Variants in FANCL observed in about 807,000 individuals in gnomAD.
FANCL encodes the protein FA complementation group L, also known as E3 ubiquitin-protein ligase FANCL.
A neutral mutation model predicts 59.4 loss-of-function variants in FANCL; 69 were observed. The observed-to-expected ratio is 1.16, with a 90% CI of 0.96 to 1.42. FANCL has a LOEUF of 1.42. Ranked by LOEUF, FANCL falls within the 40% of genes most tolerant of loss-of-function variation. The probability of loss-of-function intolerance (pLI) is 0.00; values close to 1 mark genes in which losing one functional copy is unlikely to be tolerated. For synonymous variants in FANCL, 180 were observed against 147.1 expected, an observed-to-expected ratio of 1.22 and a Z score of -1.62; for missense variants, 519 against 447.2, an observed-to-expected ratio of 1.16 and a Z score of -1.45.
intron 7 of FANCL, among the ~76,000 whole-genome samples, chr2:58,197,261 G>A (rs1689527641): frequency 6.6e-6 from 1 of 151,080 alleles, no homozygotes; most frequent in Admixed American, 6.6e-5. Flanking sequence ...AATCCTATTA[G>A]GCTTTTTATT....
chr2:58,237,289 T>C (rs1270504765), intron 1 of FANCL, among the ~76,000 whole-genome samples: 2 of 152,072 alleles, frequency 1.3e-5, no homozygotes, highest in Non-Finnish European at 2.9e-5. Flanking sequence ...GTGACCAAAA[T>C]GAAACTAAAT....
chr2:58,190,416 T>C (rs1688812591), intron 7 of FANCL, among the ~76,000 whole-genome samples: 2 of 145,976 alleles, frequency 1.4e-5, no homozygotes, highest in South Asian at 4.3e-4. Flanking sequence ...TGAAAATAAG[T>C]AGGTACTTTC....
At chr2:58,207,346 C>T (rs1272062465) in intron 5 of FANCL, among the ~76,000 whole-genome samples, 1 of 152,164 alleles carries the variant, frequency 6.6e-6, no homozygotes, top group Non-Finnish European at 1.5e-5. Flanking sequence ...CCACCAGCCA[C>T]GTGTCTATGA....
intron 5 of FANCL, among the ~76,000 whole-genome samples, chr2:58,205,575 C>T (rs888181333): frequency 2.0e-5 from 3 of 152,040 alleles, no homozygotes; most frequent in African/African-American, 4.8e-5. Context: ...ATATTCTCTA[C>T]TTCCAGAAAA....
In FANCL at chr2:58,159,395, T is replaced by A. The variant is rs1215440566; in HGVS notation, c.*370A>T. The stretch of plus-strand genomic sequence containing the variant: ...AAATATCAAGAGTCTCAAGAACCTT[T>A]GAATGAAGTAAACAGTTTCCCACAA... On this transcript the variant is annotated 3_prime_UTR_variant, in exon 14 of 14. Transcript: ENST00000233741. 1.1e-5 allele frequency: 18 copies of A among 1,613,040 alleles called. No individual in the cohort carries two copies. Among genetic ancestry groups the A allele is most frequent in the Non-Finnish European group, 1.5e-5 (18 of 1,179,632 alleles).
At chr2:58,220,873 T>C (rs192906462) in intron 5 of FANCL, among the ~76,000 whole-genome samples, 11 of 152,256 alleles carry the variant, frequency 7.2e-5, no homozygotes, top group Admixed American at 3.9e-4. Flanking sequence ...GCAATCTAAA[T>C]GGAAATAATA....
intron 12 of FANCL, among the ~76,000 whole-genome samples, 160 bp from the exon 13 acceptor site, chr2:58,160,339 T>G (rs188944918): frequency 6.6e-6 from 1 of 152,136 alleles, no homozygotes; most frequent in East Asian, 1.9e-4. Flanking sequence ...CCTGAGCCAA[T>G]AGCAGACTAT....
chr2:58,196,937 T>G (rs1433846288), intron 7 of FANCL, among the ~76,000 whole-genome samples: 1 of 151,812 alleles, frequency 6.6e-6, no homozygotes, highest in Non-Finnish European at 1.5e-5. Flanking sequence ...ATAGAAAATG[T>G]GTATTTTAAA....
At chr2:58,211,729 C>G (rs1240721769) in intron 5 of FANCL, among the ~76,000 whole-genome samples, 4 of 152,338 alleles carry the variant, frequency 2.6e-5, no homozygotes, top group South Asian at 2.1e-4. Context: ...TCATCTCTCT[C>G]AAGTTCATAG....
chr2:58,208,702 C>T (rs922168794), intron 5 of FANCL, among the ~76,000 whole-genome samples: 1 of 152,204 alleles, frequency 6.6e-6, no homozygotes, highest in African/African-American at 2.4e-5. Flanking sequence ...TTGCCACTCT[C>T]AAGTTTAAGC....
Position 58,159,542 on chromosome 2 carries a change from C to T in FANCL, c.*223G>A, listed in dbSNP as rs371409919. ...TATAAATACACTTCCACAGTCAGCA[C>T]GGGGATCACAGACTTAGAAAGTTCA... On this transcript the variant is annotated 3_prime_UTR_variant, in exon 14 of 14. Coordinates refer to ENST00000233741, the MANE Select transcript of FANCL (RefSeq NM_018062.4). The T allele has an allele frequency of 1.3e-5, 21 of 1,613,630 alleles. No individual in the cohort carries two copies. The highest frequency in any genetic ancestry group is 6.7e-5 in the African/African-American group (5 of 74,884).
At chr2:58,160,258 T>C in intron 12 of FANCL, 79 bp from the exon 13 acceptor site, 3 of 1,385,502 alleles carry the variant, frequency 2.2e-6, no homozygotes, top group Non-Finnish European at 3.1e-6. Flanking sequence ...TCCCTTTGTT[T>C]TTAAGTGCAT....
chr2:58,204,295 G>A (rs1690357544), intron 5 of FANCL, 69 bp from the exon 6 acceptor site: 1 of 1,138,920 alleles, frequency 8.8e-7, no homozygotes, highest in African/African-American at 1.5e-5. Flanking sequence ...GGAGATGGTT[G>A]AATTTGAAAT....
At chr2:58,165,697 C>T in intron 8 of FANCL, 27 bp downstream of exon 8, 1 of 1,613,758 alleles carries the variant, frequency 6.2e-7, no homozygotes, top group South Asian at 1.1e-5. Flanking sequence ...CACCTAAAAA[C>T]AAACCCTTAA....
At chr2:58,187,690 GAA>G (rs934841438) in intron 7 of FANCL, among the ~76,000 whole-genome samples, 2 of 152,056 alleles carry the variant, frequency 1.3e-5, no homozygotes, top group African/African-American at 4.8e-5. Flanking sequence ...AATATATTTT[GAA>G]AACTTTTTAC....
chr2:58,213,916 G>C (rs913528441), intron 5 of FANCL, among the ~76,000 whole-genome samples: 1 of 152,082 alleles, frequency 6.6e-6, no homozygotes, highest in Non-Finnish European at 1.5e-5. Context: ...CCAGGTAGTT[G>C]GGGAGAATTT....
At chr2:58,238,138 T>C (rs376516013) in intron 1 of FANCL, among the ~76,000 whole-genome samples, 7 of 152,340 alleles carry the variant, frequency 4.6e-5, no homozygotes, top group Admixed American at 6.5e-5. Flanking sequence ...TTAATAAACT[T>C]TCTTAAAACA....
intron 5 of FANCL, among the ~76,000 whole-genome samples, chr2:58,218,188 C>A (rs1174946103): frequency 6.6e-6 from 1 of 151,606 alleles, no homozygotes; most frequent in African/African-American, 2.4e-5. Flanking sequence ...AAATTTACAG[C>A]CTTAAATTAA....
Position 58,221,968 on chromosome 2 carries a change from T to C in FANCL, c.348A>G (p.Glu116=). 2 of 1,613,046 alleles carry C rather than the reference T, an allele frequency of 1.2e-6. No individual in the cohort carries two copies. The highest frequency in any genetic ancestry group is 1.1e-5 in the South Asian group (1 of 91,066). Residue 116 remains glutamate (E), a synonymous_variant, in exon 5 of 14, where the codon GAA becomes GAG. Transcript: ENST00000233741. ...PPPQFYSSLI[E]EIGTLGWDKL... ...TATCCCAACCAAGAGTTCCTATCTCTTCAATAAGGCTTGAGTAGAACTGGG... is the reference window on the plus strand; with the variant it reads ...TATCCCAACCAAGAGTTCCTATCTCCTCAATAAGGCTTGAGTAGAACTGGG...
Sources: gnomAD v4.1 joint callset for allele counts (sites outside exome capture counted in the v4.1 genomes callset) on GRCh38, gnomAD v4.1.1 for gene constraint, MANE v1.5 for transcripts, NCBI Gene and HGNC (gene_info 2026-07-23, HGNC 2026-07-21) for gene names.